The following MMRN1 variants were observed in gnomAD, a reference collection of about 807,000 sequenced individuals.
MMRN1 encodes the protein multimerin 1.
In MMRN1, 94 loss-of-function variants were observed where a neutral mutation model predicts 100.7. The ratio of observed to expected loss-of-function variants is 0.93; its 90% CI spans 0.79 to 1.11. MMRN1 has a LOEUF of 1.11. Among genes scored for constraint, MMRN1 ranks in the 50% least tolerant of loss-of-function variants. MMRN1 has a pLI of 0.00. For missense variants in MMRN1, 1,606 were observed against 1,439.1 expected (o/e 1.12, Z -1.88); for synonymous variants, 575 against 505.0 (o/e 1.14, Z -1.86).
chr4:89,941,185 A>G (rs1275890776), intron 6 of MMRN1, among the ~76,000 whole-genome samples: 2 of 152,180 alleles, frequency 1.3e-5, no homozygotes, highest in Admixed American at 1.3e-4. Flanking sequence ...TTTGAAAGCT[A>G]TCTGCTTCAA....
chr4:89,925,180 A>G (rs1722208919), intron 4 of MMRN1, among the ~76,000 whole-genome samples: 1 of 151,572 alleles, frequency 6.6e-6, no homozygotes, highest in South Asian at 2.1e-4. Context: ...GTCTGCACCC[A>G]GGCAGGAGTG....
chr4:89,889,999 T>C (rs981425730), upstream of MMRN1, among the ~76,000 whole-genome samples: 4 of 152,034 alleles, frequency 2.6e-5, no homozygotes, highest in African/African-American at 9.7e-5. Context: ...TGCCATGCCT[T>C]GAAGCTACTG....
intron 1 of MMRN1, among the ~76,000 whole-genome samples, chr4:89,898,847 GCACTTACGA>G (rs1007677286): frequency 2.0e-4 from 30 of 152,150 alleles, no homozygotes; most frequent in South Asian, 1.7e-3. Flanking sequence ...CCTGTTCACT[GCACTTACGA>G]CACTACATAA....
chr4:89,942,383 C>A (rs1159173657), intron 6 of MMRN1, among the ~76,000 whole-genome samples: 1 of 151,962 alleles, frequency 6.6e-6, no homozygotes, highest in Non-Finnish European at 1.5e-5. Flanking sequence ...GATTATCAAA[C>A]ATGAAAAGGA....
Position 89,936,031 on chromosome 4 carries a change from A to G in MMRN1, c.2351A>G (p.Asp784Gly), listed in dbSNP as rs1270043876. Residue 784 changes from aspartate to glycine, a missense_variant, in exon 6 of 8, where the codon GAT (aspartate) becomes GGT (glycine). Coordinates refer to ENST00000264790, the MANE Select transcript of MMRN1 (RefSeq NM_007351.3). ...TFIPQFHRLN[D>G]SIQTLVNDNQ... ...ATTCCTCAGTTCCACCGTCTGAATG[A>G]TTCTATTCAGACTTTGGTCAATGAC... 1 of 1,612,742 alleles carries G rather than the reference A, an allele frequency of 6.2e-7. No individual in the cohort carries two copies. The highest frequency in any genetic ancestry group is 1.7e-5 in the Admixed American group (1 of 59,882).
At chr4:89,901,154 GA>G (rs372841987) in intron 1 of MMRN1, among the ~76,000 whole-genome samples, 28,408 of 112,040 alleles carry the variant, frequency 0.25, 2,845 homozygotes, top group East Asian at 0.34. Context: ...GGGCTTTTAT[GA>G]AAAAAAAAAA....
At chr4:89,933,166 G>A (rs766969478) in intron 5 of MMRN1, among the ~76,000 whole-genome samples, 2 of 152,092 alleles carry the variant, frequency 1.3e-5, no homozygotes, top group African/African-American at 2.4e-5. Flanking sequence ...AGATCTCTAG[G>A]GCGGGGCAAA....
In MMRN1 at chr4:89,936,616, T is replaced by C; in HGVS notation, c.2936T>C (p.Leu979Pro). The C allele has an allele frequency of 6.2e-7, 1 of 1,612,954 alleles. No homozygotes were observed. The highest frequency in any genetic ancestry group is 8.5e-7 in the Non-Finnish European group (1 of 1,179,536). ...ATTCAAATAAAAACTCAAGCTGCCC[T>C]ATCTAATTTAACTTGTTGTATAGAT... ...PIIQIKTQAA[L>P]SNLTCCIDRS... is the part of the protein sequence containing the mutation. Residue 979 changes from leucine (L) to proline (P), a missense_variant, in exon 6 of 8, where the codon CTA becomes CCA. Leu to Pro is a moderately conservative substitution (Grantham distance 98, BLOSUM62 -3). Transcript: ENST00000264790.
chr4:89,943,931 G>A (rs1722910039), intron 6 of MMRN1, among the ~76,000 whole-genome samples: 2 of 151,394 alleles, frequency 1.3e-5, no homozygotes, highest in African/African-American at 2.4e-5. Context: ...GCAGTGAGCC[G>A]AGATCATGCC....
rs1430096997 is a variant in MMRN1, at chr4:89,953,110, G to A, written c.3379G>A (p.Gly1127Arg). 2.5e-6 allele frequency: 4 copies of A among 1,613,690 alleles called. No homozygotes were observed. In the African/African-American group the frequency reaches 4.0e-5, roughly 16 times the overall value. The change falls in exon 8 of 8, where the codon GGA becomes AGA. Residue 1127 changes from glycine to arginine, a missense_variant. Gly to Arg is a moderately radical substitution (Grantham distance 125, BLOSUM62 -2). Transcript: ENST00000264790. ...ILFNNLDVNY[G>R]ASYTPRTGKF... ...GTTTAATAACTTGGATGTCAATTAT[G>A]GAGCTTCATATACCCCAAGAACTGG...
rs1234929649 is a variant in MMRN1, at chr4:89,927,977, G to GAAATA, written c.1129+20_1129+24dup. The GAAATA allele has an allele frequency of 4.6e-6, 7 of 1,532,266 alleles. No individual in the cohort carries two copies. The highest frequency in any genetic ancestry group is 6.2e-6 in the Non-Finnish European group (7 of 1,135,888). The allele number at this position is 1,532,266 out of a possible 1,614,324, so 94.9% of individuals were successfully genotyped here. On this transcript the variant is annotated intron_variant, in intron 5 of 7. Transcript: ENST00000264790. ...TCAATCTCTTCTAAAAGGTAAAAAT[G>GAAATA]AAATAAAATAAAATATTCATTCAGT...
chr4:89,922,470 C>T (rs1386817879), intron 3 of MMRN1, among the ~76,000 whole-genome samples: 1 of 152,010 alleles, frequency 6.6e-6, no homozygotes, highest in Non-Finnish European at 1.5e-5. Context: ...ACTATATTGC[C>T]ATTTAAAATA....
At chr4:89,895,720 T>G (rs1351293221) in intron 1 of MMRN1, 126 bp downstream of exon 1, 1 of 1,399,992 alleles carries the variant, frequency 7.1e-7, no homozygotes, top group East Asian at 2.5e-5. Context: ...TATTTATAAT[T>G]TCACCATTTC....
intron 1 of MMRN1, among the ~76,000 whole-genome samples, chr4:89,898,266 A>T (rs1251938817): frequency 6.6e-6 from 1 of 152,120 alleles, no homozygotes; most frequent in African/African-American, 2.4e-5. Flanking sequence ...CAGTGAATAT[A>T]TTCACTCATT....
At chr4:89,947,111 G>A (rs759302686) in intron 6 of MMRN1, among the ~76,000 whole-genome samples, 4 of 151,996 alleles carry the variant, frequency 2.6e-5, no homozygotes, top group East Asian at 1.9e-4. Context: ...GTGAAACCCC[G>A]TCTCTGCTAA....
chr4:89,909,162 A>T (rs1467209677), intron 1 of MMRN1, 114 bp from the exon 2 acceptor site: 4 of 1,058,494 alleles, frequency 3.8e-6, no homozygotes, highest in Non-Finnish European at 4.1e-6. Context: ...CAATCTTACA[A>T]GGTTTCTGAT....
At chr4:89,880,205 G>C (rs1720789314) in intron 1 of MMRN1, among the ~76,000 whole-genome samples, 2 of 152,164 alleles carry the variant, frequency 1.3e-5, no homozygotes, top group Admixed American at 6.5e-5. Context: ...AGAAGGTTGA[G>C]TTTAAGCCCT....
intron 6 of MMRN1, 101 bp downstream of exon 6, chr4:89,936,899 TACTTGA>T: frequency 9.4e-7 from 1 of 1,066,038 alleles, no homozygotes; most frequent in Non-Finnish European, 1.3e-6. Context: ...TAAAACTACA[TACTTGA>T]ACTTGGATAG....
rs150440229 is a variant in MMRN1, at chr4:89,936,610, C to T, written c.2930C>T (p.Ala977Val). Residue 977 changes from alanine (A) to valine (V), a missense_variant, in exon 6 of 8, where the codon GCT (alanine) becomes GTT (valine). Physicochemically the swap from Ala to Val is moderately conservative, Grantham distance 64 (BLOSUM62 0). Transcript: ENST00000264790. ...CCAATAATTCAAATAAAAACTCAAG[C>T]TGCCCTATCTAATTTAACTTGTTGT... Reference protein sequence around the residue: ...VEPIIQIKTQAALSNLTCCID... With the variant: ...VEPIIQIKTQVALSNLTCCID... The T allele has an allele frequency of 1.9e-6, 3 of 1,612,110 alleles. No homozygotes were observed. The highest frequency in any genetic ancestry group is 2.5e-6 in the Non-Finnish European group (3 of 1,179,292).
Sources: allele counts gnomAD v4.1 joint callset (sites outside exome capture counted in the v4.1 genomes callset), GRCh38; gene constraint gnomAD v4.1.1; transcripts MANE v1.5; gene names NCBI Gene and HGNC (gene_info 2026-07-23, HGNC 2026-07-21).